The following CABIN1 variants were observed in gnomAD, a reference collection of about 807,000 sequenced individuals.
The protein encoded by CABIN1 is calcineurin binding protein 1, also known as calcineurin-binding protein cabin-1.
In CABIN1, 133 loss-of-function variants were observed where a neutral mutation model predicts 227.7. The ratio of observed to expected loss-of-function variants is 0.58; its 90% CI spans 0.51 to 0.67. The LOEUF (loss-of-function observed/expected upper bound fraction) is 0.67, where lower values mean the gene tolerates loss of function less well. Ranked by LOEUF, CABIN1 falls within the 30% of genes least tolerant of loss-of-function variation. CABIN1 has a pLI of 0.00. For missense variants in CABIN1, 2,408 were observed against 2,852.5 expected, an observed-to-expected ratio of 0.84 and a Z score of 3.55; for synonymous variants, 1,086 against 1,155.1, an observed-to-expected ratio of 0.94 and a Z score of 1.21.
At chr22:24,071,197 GTT>G (rs2040060864) in intron 17 of CABIN1, 155 bp downstream of exon 17, 1 of 1,043,270 alleles carries the variant, frequency 9.6e-7, no homozygotes, top group East Asian at 2.6e-5. Flanking sequence ...CTGAGGAGGG[GTT>G]TGTGCGCAGG....
chr22:24,065,873 G>A (rs1029274169), intron 15 of CABIN1, among the ~76,000 whole-genome samples: 2 of 152,324 alleles, frequency 1.3e-5, no homozygotes, highest in African/African-American at 2.4e-5. Flanking sequence ...GCGTGGCGGC[G>A]CACGCCTGCA....
rs1415301885 is a variant in CABIN1 at position 24,134,599 on chromosome 22, C to T, written c.4746+184C>T. Among the ~76,000 whole-genome samples, 7 of 152,256 alleles carry T rather than the reference C, an allele frequency of 4.6e-5. No individual in the cohort carries two copies. The South Asian group carries it at 1.4e-3, about 32-fold the overall frequency. On this transcript the variant is annotated intron_variant, in intron 29 of 36. Coordinates refer to ENST00000263119, the MANE Select transcript of CABIN1 (RefSeq NM_012295.4). ...CCGGTGTGGGGCTGTGATTGCTGAG[C>T]GACTTCTGGCAAGTCACTGCCCCCT...
chr22:24,027,940 G>GTT (rs765677302), intron 1 of CABIN1, among the ~76,000 whole-genome samples: 4 of 141,720 alleles, frequency 2.8e-5, no homozygotes, highest in Non-Finnish European at 3.1e-5. Context: ...CTACTGGCAG[G>GTT]TTTTTTTTTT....
intron 29 of CABIN1, among the ~76,000 whole-genome samples, chr22:24,136,548 T>TTTTTTTTTTTA: frequency 7.0e-6 from 1 of 142,556 alleles, no homozygotes; most frequent in East Asian, 2.0e-4. Flanking sequence ...TTTTTTTTTT[T>TTTTTTTTTTTA]AGAGACAAGG....
At chr22:24,129,858 A>T (rs1357590944) in intron 28 of CABIN1, among the ~76,000 whole-genome samples, 1 of 152,046 alleles carries the variant, frequency 6.6e-6, no homozygotes, top group Non-Finnish European at 1.5e-5. Context: ...GAGGGGTTGG[A>T]GGGTATGGGG....
chr22:24,046,200 C>T (rs2037867185), intron 6 of CABIN1, among the ~76,000 whole-genome samples: 1 of 152,086 alleles, frequency 6.6e-6, no homozygotes, highest in Non-Finnish European at 1.5e-5. Flanking sequence ...ATGTGGGGCA[C>T]AGCAGTCTCT....
At chr22:24,036,831 G>A (rs1355447014) in intron 3 of CABIN1, among the ~76,000 whole-genome samples, 1 of 152,138 alleles carries the variant, frequency 6.6e-6, no homozygotes, top group African/African-American at 2.4e-5. Flanking sequence ...TGTCTCAGAA[G>A]TCTACTAGTC....
chr22:24,093,485 G>T (rs796770950), intron 24 of CABIN1, among the ~76,000 whole-genome samples: 10 of 152,142 alleles, frequency 6.6e-5, no homozygotes, highest in African/African-American at 2.4e-4. Context: ...GGAGGTTGCA[G>T]TGAACTGAGA....
chr22:24,051,304 G>A (rs1325482447), intron 8 of CABIN1, among the ~76,000 whole-genome samples: 1 of 152,134 alleles, frequency 6.6e-6, no homozygotes, highest in African/African-American at 2.4e-5. Flanking sequence ...GCACTTGCCA[G>A]GAGGAAACTG....
intron 1 of CABIN1, among the ~76,000 whole-genome samples, chr22:24,027,540 T>A (rs2036183101): frequency 6.6e-6 from 1 of 152,236 alleles, no homozygotes; most frequent in Non-Finnish European, 1.5e-5. Flanking sequence ...ACAGTTTATA[T>A]GTTGGAAATG....
intron 29 of CABIN1, among the ~76,000 whole-genome samples, chr22:24,152,407 C>T (rs1292971161): frequency 1.3e-5 from 2 of 152,186 alleles, no homozygotes; most frequent in East Asian, 3.8e-4. Flanking sequence ...AAACGCACTT[C>T]ACTCTGTCTC....
intron 5 of CABIN1, 31 bp from the exon 6 acceptor site, chr22:24,042,873 T>TGTGTGTGC: frequency 7.0e-7 from 1 of 1,418,636 alleles, no homozygotes; most frequent in Non-Finnish European, 9.8e-7. Flanking sequence ...TGTGTGTGTG[T>TGTGTGTGC]GTGTTTGCCC....
intron 33 of CABIN1, 48 bp from the exon 34 acceptor site, chr22:24,171,665 C>T (rs761296612): frequency 6.2e-7 from 1 of 1,610,392 alleles, no homozygotes. Flanking sequence ...GCAGCGTGGG[C>T]TCAGGGCTGC....
intron 28 of CABIN1, among the ~76,000 whole-genome samples, chr22:24,131,376 C>T (rs1344138551): frequency 1.3e-5 from 2 of 152,206 alleles, no homozygotes; most frequent in Non-Finnish European, 2.9e-5. Context: ...CATGAAGTCA[C>T]AGCTGGAGGA....
intron 19 of CABIN1, 106 bp downstream of exon 19, chr22:24,076,390 G>A: frequency 1.1e-6 from 1 of 877,716 alleles, no homozygotes. Context: ...GGCTTGCTTG[G>A]CCTTCCCTCA....
At chr22:24,122,225 G>A (rs1193512708) in intron 28 of CABIN1, among the ~76,000 whole-genome samples, 1 of 152,182 alleles carries the variant, frequency 6.6e-6, no homozygotes, top group Non-Finnish European at 1.5e-5. Flanking sequence ...AAAATTAAAA[G>A]TTGGAGGGAG....
intron 29 of CABIN1, among the ~76,000 whole-genome samples, chr22:24,143,303 T>C (rs554376775): frequency 6.6e-6 from 1 of 152,174 alleles, no homozygotes; most frequent in South Asian, 2.1e-4. Context: ...TGGAATTAGG[T>C]AGCAGTGGGC....
intron 1 of CABIN1, among the ~76,000 whole-genome samples, chr22:24,013,379 A>C (rs1355262439): frequency 6.6e-6 from 1 of 151,232 alleles, no homozygotes; most frequent in Non-Finnish European, 1.5e-5. Flanking sequence ...TGTATTTTTT[A>C]GTAGAGACGG....
At position 24,054,993 on chromosome 22, in the gene CABIN1, T is replaced by C; in HGVS notation, c.927T>C (p.Pro309=). 6.2e-7 allele frequency: 1 copy of C among 1,614,196 alleles called. No homozygotes were observed. The highest frequency in any genetic ancestry group is 8.5e-7 in the Non-Finnish European group (1 of 1,180,028). The change falls in exon 9 of 37, where the codon CCT becomes CCC. Residue 309 remains proline (P), a synonymous_variant. Coordinates refer to ENST00000263119, the MANE Select transcript of CABIN1 (RefSeq NM_012295.4). ...CGGACTACCAGGACCCCAGCCAGCCTCTTGAGTCCTCCATGGTGGTGACGC... is the reference window on the plus strand; with the variant it reads ...CGGACTACCAGGACCCCAGCCAGCCCCTTGAGTCCTCCATGGTGGTGACGC... The part of the protein sequence containing the change: ...DLSDYQDPSQ[P]LESSMVVTPV...
Sources: gnomAD v4.1 joint callset for allele counts (sites outside exome capture counted in the v4.1 genomes callset) on GRCh38, gnomAD v4.1.1 for gene constraint, MANE v1.5 for transcripts, NCBI Gene and HGNC (gene_info 2026-07-23, HGNC 2026-07-21) for gene names.